Variants in CHI3L2 observed in about 807,000 individuals in gnomAD.
CHI3L2 encodes chitinase 3 like 2.
Under a neutral mutation model 47.3 loss-of-function variants are expected in CHI3L2, and 47 were observed. That is an observed-to-expected ratio of 0.99 (90% CI 0.79 to 1.27). The LOEUF (loss-of-function observed/expected upper bound fraction) is 1.27. CHI3L2 is among the 50% of genes most tolerant of loss of function. The pLI is 0.00. For synonymous variants in CHI3L2, 198 were observed against 169.9 expected (o/e 1.17, Z -1.28); for missense variants, 497 against 462.1 (o/e 1.08, Z -0.69).
chr1:111,242,637 G>C, intron 10 of CHI3L2: 1 of 255,520 alleles, frequency 3.9e-6, no homozygotes, highest in Non-Finnish European at 7.4e-6. Context: ...ATATATTAGG[G>C]ATAAATATTG....
rs536855908 is a variant in CHI3L2, at chr1:111,241,224, G to A, written c.919-103G>A. ...GTCTGATCCTTGGGATAAAGGTTCT[G>A]ATATTTTCCCCAAGTCCCTAGTGGC... On this transcript the variant is annotated intron_variant, in intron 8 of 10. Transcript: ENST00000369748. 1.0e-5 allele frequency: 8 copies of A among 769,892 alleles called. No individual in the cohort carries two copies. The East Asian group carries it at 2.0e-4, about 19-fold the overall frequency. 47.7% of individuals were successfully genotyped at this position (769,892 alleles called of 1,614,324 possible). A position where few individuals can be genotyped will look rare whatever the true frequency, so the allele number is the denominator to read the frequency against.
chr1:111,239,008 G>C, intron 8 of CHI3L2, 76 bp downstream of exon 8: 2 of 1,397,942 alleles, frequency 1.4e-6, no homozygotes, highest in Non-Finnish European at 1.9e-6. Context: ...TGACAGCAGA[G>C]TAAAGCATCC....
intron 10 of CHI3L2, 68 bp downstream of exon 10, chr1:111,242,434 G>A: frequency 6.8e-7 from 1 of 1,473,082 alleles, no homozygotes; most frequent in Non-Finnish European, 9.1e-7. Flanking sequence ...GAGACTGGGG[G>A]AGATCATCTT....
At chr1:111,239,018 C>A in intron 8 of CHI3L2, 86 bp downstream of exon 8, 1 of 1,332,518 alleles carries the variant, frequency 7.5e-7, no homozygotes, top group East Asian at 2.4e-5. Flanking sequence ...GTAAAGCATC[C>A]TGAGTGTTGC....
At chr1:111,232,611 T>C (rs1163680403) in intron 4 of CHI3L2, among the ~76,000 whole-genome samples, 1 of 152,250 alleles carries the variant, frequency 6.6e-6, no homozygotes, top group Non-Finnish European at 1.5e-5. Flanking sequence ...TTTAGCATAG[T>C]GCCCCTGTGC....
chr1:111,241,196 A>C, intron 8 of CHI3L2, 131 bp from the exon 9 acceptor site: 1 of 735,264 alleles, frequency 1.4e-6, no homozygotes, highest in Admixed American at 1.8e-5. Flanking sequence ...CATTTCTCTC[A>C]TTGTCTGATC....
intron 4 of CHI3L2, among the ~76,000 whole-genome samples, chr1:111,232,178 G>T (rs1174760448): frequency 6.6e-6 from 1 of 152,200 alleles, no homozygotes; most frequent in African/African-American, 2.4e-5. Context: ...AAGGAAGAAA[G>T]ATCAGGCTAC....
intron 8 of CHI3L2, among the ~76,000 whole-genome samples, chr1:111,240,205 A>G (rs565694600): frequency 5.3e-5 from 8 of 152,348 alleles, no homozygotes; most frequent in African/African-American, 1.9e-4. Context: ...GAGTGTGAAC[A>G]TGCCATCGGC....
chr1:111,232,349 GCATTCATT>G (rs35575573), intron 4 of CHI3L2, among the ~76,000 whole-genome samples: 120 of 151,686 alleles, frequency 7.9e-4, no homozygotes, highest in African/African-American at 2.0e-3. Context: ...ATTCATTCTT[GCATTCATT>G]CATTCATTCA....
Position 111,238,974 on chromosome 1 carries a change from T to G in CHI3L2, c.918+42T>G, listed in dbSNP as rs769834015. 3.3e-6 allele frequency: 5 copies of G among 1,512,584 alleles called. No homozygotes were observed. The Admixed American group carries it at 1.1e-4, about 35-fold the overall frequency. The allele number at this position is 1,512,584 out of a possible 1,614,324, so 93.7% of individuals were successfully genotyped here. The stretch of plus-strand genomic sequence containing the variant: ...TGTACCCTCAGCTCCCTGCCATGTC[T>G]GGGTAGATGTTCCATCTTCAATTTG... On this transcript the variant is annotated intron_variant, in intron 8 of 10. Coordinates refer to ENST00000369748, the MANE Select transcript of CHI3L2 (RefSeq NM_004000.3).
At chr1:111,229,694 A>AAAAAAAAAAAAAAAAAC (rs1659648959) in intron 1 of CHI3L2, 158 bp from the exon 2 acceptor site, 1 of 1,082,934 alleles carries the variant, frequency 9.2e-7, no homozygotes, top group Non-Finnish European at 1.2e-6. Flanking sequence ...AAAAAAAAAA[A>AAAAAAAAAAAAAAAAAC]AAAAAAAAAA....
At chr1:111,235,117 A>G in intron 5 of CHI3L2, 60 bp downstream of exon 5, 1 of 1,559,136 alleles carries the variant, frequency 6.4e-7, no homozygotes, top group South Asian at 1.1e-5. Flanking sequence ...CAGTACTCTG[A>G]TATCCAGAAT....
At chr1:111,229,744 T>C (rs754331024) in intron 1 of CHI3L2, 108 bp from the exon 2 acceptor site, 4 of 1,485,442 alleles carry the variant, frequency 2.7e-6, no homozygotes, top group Non-Finnish European at 2.7e-6. Flanking sequence ...CCAGATGAAG[T>C]GTGGCTCTAT....
At chr1:111,233,037 A>G (rs956035367) in intron 4 of CHI3L2, among the ~76,000 whole-genome samples, 1 of 152,208 alleles carries the variant, frequency 6.6e-6, no homozygotes, top group Non-Finnish European at 1.5e-5. Flanking sequence ...GAGGTATTGT[A>G]AGAGGTGAAA....
At chr1:111,243,081 C>G in intron 10 of CHI3L2, 136 bp from the exon 11 acceptor site, 1 of 441,446 alleles carries the variant, frequency 2.3e-6, no homozygotes, top group South Asian at 1.6e-5. Flanking sequence ...TGGCAAAGGG[C>G]CTAGAACCAT....
At chr1:111,235,867 G>A in intron 6 of CHI3L2, 104 bp downstream of exon 6, 1 of 1,553,148 alleles carries the variant, frequency 6.4e-7, no homozygotes, top group African/African-American at 1.4e-5. Flanking sequence ...AGAGAGGGAA[G>A]GTCATTGTCC....
Position 111,242,313 on chromosome 1 carries a change from G to GCAAGA in CHI3L2, c.1122_1123insCAAGA (p.Gly375GlnfsTer61), listed in dbSNP as rs771319409. The GCAAGA allele has an allele frequency of 1.4e-5, 22 of 1,613,840 alleles. No homozygotes were observed. The African/African-American group carries it at 2.8e-4, about 21-fold the overall frequency. ...ACTTCACTGGCAAATCCTGCAACCA[G>GCAAGA]GGCCCTTACCCTCTTGTCCAAGCAG... On this transcript the variant is annotated frameshift_variant, in exon 10 of 11. Coordinates refer to ENST00000369748, the MANE Select transcript of CHI3L2 (RefSeq NM_004000.3). LOFTEE classifies it high-confidence loss of function.
At chr1:111,237,582 T>C (rs990103764) in intron 7 of CHI3L2, among the ~76,000 whole-genome samples, 1 of 152,204 alleles carries the variant, frequency 6.6e-6, no homozygotes, top group African/African-American at 2.4e-5. Flanking sequence ...ATCAGCCTCC[T>C]TCACTCCTTC....
At chr1:111,229,499 G>C (rs1008105348) in intron 1 of CHI3L2, among the ~76,000 whole-genome samples, 1 of 150,550 alleles carries the variant, frequency 6.6e-6, no homozygotes, top group Admixed American at 6.6e-5. Context: ...CGGCTAAAAC[G>C]GTGAAACCCC....
Sources: allele counts gnomAD v4.1 joint callset (sites outside exome capture counted in the v4.1 genomes callset), GRCh38; gene constraint gnomAD v4.1.1; transcripts MANE v1.5; gene names NCBI Gene and HGNC (gene_info 2026-07-23, HGNC 2026-07-21).